Variants in RIC1 observed in about 807,000 individuals in gnomAD.
The protein encoded by RIC1 is RIC1 partner of RAB6A GEF complex, also known as guanine nucleotide exchange factor subunit RIC1.
In RIC1, 88 loss-of-function variants were observed where a neutral mutation model predicts 169.0. That is an observed-to-expected ratio of 0.52 (90% CI 0.44 to 0.62). The LOEUF (loss-of-function observed/expected upper bound fraction) is 0.62. RIC1 is among the 20% of genes least tolerant of loss of function. The pLI is 0.00. For missense variants in RIC1, 1,877 were observed against 1,725.5 expected, an observed-to-expected ratio of 1.09 and a Z score of -1.56; for synonymous variants, 790 against 601.5, an observed-to-expected ratio of 1.31 and a Z score of -4.59.
At chr9:5,768,263 C>T (rs764573181) in intron 21 of RIC1, among the ~76,000 whole-genome samples, 2 of 152,322 alleles carry the variant, frequency 1.3e-5, no homozygotes, top group Admixed American at 1.3e-4. Flanking sequence ...AGGTGGCTAA[C>T]ACCTGTAATT....
Position 5,757,371 on chromosome 9 carries a change from C to G in RIC1, c.1912C>G (p.Pro638Ala). 1 of 1,613,996 alleles carries G rather than the reference C, an allele frequency of 6.2e-7. No individual in the cohort carries two copies. Among genetic ancestry groups the G allele is most frequent in the Non-Finnish European group, 8.5e-7 (1 of 1,179,910 alleles). ...LQEVSMSRYI[P>A]HPFLVVSVTL... Reference sequence around the variant, plus strand: ...GGAGGTTTCCATGTCACGCTACATTCCTCACCCTTTCCTGGTGGTATCTGT... The same window carrying G: ...GGAGGTTTCCATGTCACGCTACATTGCTCACCCTTTCCTGGTGGTATCTGT... Residue 638 changes from proline to alanine, a missense_variant, in exon 17 of 26, where the codon CCT becomes GCT. Transcript: ENST00000414202.
At chr9:5,732,527 T>C (rs1423236421) in intron 7 of RIC1, 48 bp downstream of exon 7, 2 of 1,279,962 alleles carry the variant, frequency 1.6e-6, no homozygotes, top group East Asian at 5.1e-5. Flanking sequence ...TTGCAAAAAA[T>C]ACTGGTTTTT....
intron 6 of RIC1, among the ~76,000 whole-genome samples, chr9:5,722,753 T>A (rs1285677768): frequency 6.6e-6 from 1 of 152,080 alleles, no homozygotes; most frequent in Non-Finnish European, 1.5e-5. Flanking sequence ...TTCCCCACCT[T>A]GTGTCCAAGT....
chr9:5,773,496 T>TTAGA (rs1480443041), intron 25 of RIC1, among the ~76,000 whole-genome samples: 1 of 152,156 alleles, frequency 6.6e-6, no homozygotes, highest in Non-Finnish European at 1.5e-5. Flanking sequence ...CAAATCCAAA[T>TTAGA]TAGAGTTGTG....
At chr9:5,646,647 A>T (rs1194306879) in intron 1 of RIC1, among the ~76,000 whole-genome samples, 1 of 152,150 alleles carries the variant, frequency 6.6e-6, no homozygotes, top group East Asian at 1.9e-4. Context: ...GGTTTGTGTT[A>T]AGTACCCACT....
At chr9:5,741,606 TCA>T (rs1201239484) in intron 8 of RIC1, among the ~76,000 whole-genome samples, 2 of 152,200 alleles carry the variant, frequency 1.3e-5, no homozygotes, top group African/African-American at 4.8e-5. Context: ...GTTCTTAATT[TCA>T]GTTATTGTAT....
intron 1 of RIC1, among the ~76,000 whole-genome samples, chr9:5,649,891 G>A (rs977355828): frequency 2.0e-5 from 3 of 152,034 alleles, no homozygotes; most frequent in African/African-American, 4.8e-5. Flanking sequence ...AGGGCACCTT[G>A]TCTTTGATTC....
At chr9:5,646,758 G>T (rs1166040703) in intron 1 of RIC1, among the ~76,000 whole-genome samples, 2 of 151,994 alleles carry the variant, frequency 1.3e-5, no homozygotes, top group Non-Finnish European at 2.9e-5. Context: ...CTGTTTCAAG[G>T]GTTACATTTT....
chr9:5,768,703 A>G (rs544213559), intron 21 of RIC1, among the ~76,000 whole-genome samples: 147 of 152,216 alleles, frequency 9.7e-4, no homozygotes, highest in African/African-American at 3.3e-3. Flanking sequence ...TCAGCCACCC[A>G]TCACCTGCTT....
intron 2 of RIC1, among the ~76,000 whole-genome samples, chr9:5,665,223 C>T (rs1190115127): frequency 6.6e-6 from 1 of 151,564 alleles, no homozygotes. Context: ...GGTCAGTTAA[C>T]TTCCTCTCTA....
rs770342311 is a variant in RIC1 at position 5,743,005 on chromosome 9, A to G, written c.1038A>G (p.Gly346=). 11 of 1,604,826 alleles carry G rather than the reference A, an allele frequency of 6.9e-6. No individual in the cohort carries two copies. In the East Asian group the frequency reaches 2.5e-4, roughly 36 times the overall value. ...CACAGCTGATTTGTACACTTGGAGG[A>G]GATTTTGCGTAAGTCAAAAAAGACA... is the stretch of plus-strand genomic sequence containing the variant. ...FGAQLICTLG[G]DFAYRSDGTK... is the part of the protein sequence containing the mutation. Residue 346 remains glycine (G), a synonymous_variant, in exon 9 of 26, where the codon GGA becomes GGG. Coordinates refer to ENST00000414202, the MANE Select transcript of RIC1 (RefSeq NM_020829.4).
At chr9:5,658,095 CAT>C (rs2130464017) in intron 2 of RIC1, among the ~76,000 whole-genome samples, 1 of 152,216 alleles carries the variant, frequency 6.6e-6, no homozygotes, top group South Asian at 2.1e-4. Context: ...CAAGTGTACA[CAT>C]ATTGCCATTC....
rs1473296304 is a variant in RIC1, at chr9:5,629,381, C to A, written c.72C>A (p.His24Gln). 1.3e-6 allele frequency: 2 copies of A among 1,533,880 alleles called. No homozygotes were observed. The highest frequency in any genetic ancestry group is 2.0e-5 in the Admixed American group (1 of 50,764). ...GGAGCCCGGCCGAGGCGCCTTTCCA[C>A]GTTCAGTCCGACCCGCAGAGGGCTT... The part of the protein sequence containing the change: ...PLGSPAEAPF[H>Q]VQSDPQRAFF... The change falls in exon 1 of 26, where the codon CAC becomes CAA. Residue 24 changes from histidine to glutamine, a missense_variant. This residue lies in a region of RIC1 where 1,104 missense variants were observed against 992.0 expected (regional missense o/e 1.11). Transcript: ENST00000414202.
intron 2 of RIC1, among the ~76,000 whole-genome samples, chr9:5,664,938 A>G (rs527676708): frequency 6.6e-6 from 1 of 152,252 alleles, no homozygotes; most frequent in South Asian, 2.1e-4. Flanking sequence ...AAGTTCTTGT[A>G]GTATGTTTCT....
At chr9:5,742,352 A>G (rs1825130807) in intron 8 of RIC1, among the ~76,000 whole-genome samples, 1 of 152,072 alleles carries the variant, frequency 6.6e-6, no homozygotes, top group South Asian at 2.1e-4. Flanking sequence ...AGTATTTTTT[A>G]TTGTTTTGAG....
chr9:5,684,882 T>G (rs1407205426), intron 2 of RIC1, among the ~76,000 whole-genome samples: 1 of 152,226 alleles, frequency 6.6e-6, no homozygotes, highest in African/African-American at 2.4e-5. Flanking sequence ...GAATGGATGT[T>G]GAATTTTGTC....
chr9:5,642,459 G>A (rs1019669940), intron 1 of RIC1, among the ~76,000 whole-genome samples: 1 of 143,014 alleles, frequency 7.0e-6, no homozygotes, highest in Non-Finnish European at 1.5e-5. Context: ...AGCCAGCCAG[G>A]TTTATGTCCT....
chr9:5,724,066 T>G (rs1466579958), intron 6 of RIC1, among the ~76,000 whole-genome samples: 1 of 152,200 alleles, frequency 6.6e-6, no homozygotes, highest in Non-Finnish European at 1.5e-5. Flanking sequence ...CCATATGAAC[T>G]TTAAAGTAGT....
rs772537781 is a variant in RIC1, at chr9:5,743,705, A to C, written c.1063A>C (p.Thr355Pro). The C allele has an allele frequency of 1.2e-6, 2 of 1,610,252 alleles. No homozygotes were observed. The highest frequency in any genetic ancestry group is 1.3e-5 in the African/African-American group (1 of 74,782). The change falls in exon 10 of 26, where the codon ACC becomes CCC. Residue 355 changes from threonine to proline, a missense_variant. Physicochemically the swap from Thr to Pro is conservative, Grantham distance 38 (BLOSUM62 -1). Coordinates refer to ENST00000414202, the MANE Select transcript of RIC1 (RefSeq NM_020829.4). ...GGDFAYRSDGTKKDPLKINSM... is the reference protein window; with the variant it reads ...GGDFAYRSDGPKKDPLKINSM... The stretch of plus-strand genomic sequence containing the variant: ...CTGTTTCAGTTATAGGTCTGATGGC[A>C]CCAAAAAAGATCCCCTTAAGATCAA...
Sources: gnomAD v4.1 joint callset for allele counts (sites outside exome capture counted in the v4.1 genomes callset) on GRCh38, gnomAD v4.1.1 for gene constraint, gnomAD v4.1.1 regional missense constraint, MANE v1.5 for transcripts, NCBI Gene and HGNC (gene_info 2026-07-23, HGNC 2026-07-21) for gene names.